MIB1: variants seen among roughly 807,000 people sequenced by gnomAD.
MIB1 encodes E3 ubiquitin-protein ligase MIB1.
MIB1 carries 278 observed loss-of-function variants against 124.5 expected under a neutral mutation model. The ratio of observed to expected loss-of-function variants is 2.23; its 90% CI spans 2.02 to 2.47. The LOEUF is 2.47. MIB1 is among the 30% of genes most tolerant of loss of function. MIB1 has a pLI of 0.00. For missense variants in MIB1, 957 were observed against 1,254.4 expected (o/e 0.76, Z 3.58); for synonymous variants, 446 against 429.4 (o/e 1.04, Z -0.48).
upstream of MIB1, among the ~76,000 whole-genome samples, chr18:21,740,753 C>G (rs921917098): frequency 2.0e-5 from 3 of 152,250 alleles, no homozygotes; most frequent in African/African-American, 7.2e-5. Context: ...GTTGGGCAAC[C>G]GTCCGCCCTT....
At chr18:21,754,680 A>G (rs1280905429) in intron 1 of MIB1, among the ~76,000 whole-genome samples, 1 of 152,214 alleles carries the variant, frequency 6.6e-6, no homozygotes, top group Non-Finnish European at 1.5e-5. Context: ...GGATTCTGAG[A>G]TCTACAGTAA....
At chr18:21,784,648 C>G (rs1224826359) in intron 6 of MIB1, among the ~76,000 whole-genome samples, 4 of 152,060 alleles carry the variant, frequency 2.6e-5, no homozygotes, top group Non-Finnish European at 5.9e-5. Flanking sequence ...CTAGGAAAGA[C>G]CAGGCTATAC....
At chr18:21,822,765 C>T (rs2041890362) in intron 12 of MIB1, among the ~76,000 whole-genome samples, 1 of 151,930 alleles carries the variant, frequency 6.6e-6, no homozygotes, top group South Asian at 2.1e-4. Context: ...TTTTAGTGTA[C>T]TCGGAATTAA....
chr18:21,795,823 T>A (rs2041572325), intron 7 of MIB1, among the ~76,000 whole-genome samples: 2 of 152,170 alleles, frequency 1.3e-5, no homozygotes, highest in African/African-American at 2.4e-5. Flanking sequence ...TTCAGAAATC[T>A]TATTGCATGT....
At chr18:21,749,248 A>T (rs2040946758) in intron 1 of MIB1, among the ~76,000 whole-genome samples, 1 of 152,204 alleles carries the variant, frequency 6.6e-6, no homozygotes, top group Admixed American at 6.5e-5. Flanking sequence ...GGTATGCCAT[A>T]TGTACTGTTC....
chr18:21,716,027 C>A (rs955754989), intron 1 of MIB1, among the ~76,000 whole-genome samples: 4 of 152,158 alleles, frequency 2.6e-5, no homozygotes, highest in Admixed American at 6.5e-5. Context: ...CTGGGAAATT[C>A]ATTGCAAAAA....
chr18:21,721,888 A>T (rs2040717347), intron 1 of MIB1, among the ~76,000 whole-genome samples: 1 of 152,204 alleles, frequency 6.6e-6, no homozygotes, highest in South Asian at 2.1e-4. Flanking sequence ...GGTCAAAACT[A>T]GTAAACTAAC....
chr18:21,810,486 G>A (rs1193894678), intron 10 of MIB1, among the ~76,000 whole-genome samples: 1 of 151,932 alleles, frequency 6.6e-6, no homozygotes, highest in African/African-American at 2.4e-5. Flanking sequence ...CTACTTTCAA[G>A]ACTTACCACA....
At chr18:21,804,075 A>G in intron 10 of MIB1, 61 bp downstream of exon 10, 2 of 1,163,206 alleles carry the variant, frequency 1.7e-6, no homozygotes, top group Non-Finnish European at 2.5e-6. Context: ...ATACTTCTAT[A>G]TCATGAGATG....
chr18:21,844,120 A>T lies in MIB1; in HGVS notation c.2078A>T (p.Asp693Val), dbSNP rs752589269. ...RLLVRAGAKL[D>V]IQDKDGDTPL... The stretch of plus-strand genomic sequence containing the variant: ...TTGGTCCGTGCAGGTGCCAAGCTTG[A>T]TATTCAGGATAAGGATGGGGATACT... Residue 693 changes from aspartate (D) to valine (V), a missense_variant, in exon 15 of 21, where the codon GAT (aspartate) becomes GTT (valine). Transcript: ENST00000261537. The T allele has an allele frequency of 1.9e-6, 3 of 1,613,914 alleles. No homozygotes were observed. Among genetic ancestry groups the T allele is most frequent in the Middle Eastern group, 1.7e-4 (1 of 6,016 alleles).
chr18:21,843,206 C>A lies in MIB1; in HGVS notation c.2038C>A (p.Gln680Lys). Residue 680 changes from glutamine to lysine, a missense_variant, in exon 14 of 21, where the codon CAG (glutamine) becomes AAG (lysine). Coordinates refer to ENST00000261537, the MANE Select transcript of MIB1 (RefSeq NM_020774.4). Reference protein sequence around the residue: ...LHLAVERQHTQIVRLLVRAGA... With the variant: ...LHLAVERQHTKIVRLLVRAGA... ...CCTTGCTGTTGAACGACAGCATACC[C>A]AGATTGTTAGGGTAAAGTATTGACA... 1.3e-6 allele frequency: 2 copies of A among 1,586,390 alleles called. No individual in the cohort carries two copies. The highest frequency in any genetic ancestry group is 1.7e-6 in the Non-Finnish European group (2 of 1,169,362).
chr18:21,856,956 G>A (rs1405871701), intron 18 of MIB1, among the ~76,000 whole-genome samples, 174 bp from the exon 19 acceptor site: 2 of 152,158 alleles, frequency 1.3e-5, no homozygotes, highest in Non-Finnish European at 2.9e-5. Flanking sequence ...GGCTACCGAT[G>A]GAGAATACTC....
chr18:21,757,510 G>A (rs1171150575), intron 1 of MIB1, among the ~76,000 whole-genome samples: 1 of 140,804 alleles, frequency 7.1e-6, no homozygotes, highest in Non-Finnish European at 1.5e-5. Context: ...TTTGGGACAG[G>A]GTCTTACTCT....
At chr18:21,767,091 T>C (rs752984697) in intron 2 of MIB1, among the ~76,000 whole-genome samples, 10 of 152,186 alleles carry the variant, frequency 6.6e-5, no homozygotes, top group Non-Finnish European at 1.0e-4. Flanking sequence ...GAGAACAGGT[T>C]AGTGTAGGTA....
Position 21,724,512 on chromosome 18 carries a change from C to T in MIB1, n.167+19389C>T, listed in dbSNP as rs1162966399. ...TTGAGGTCGGGAGTTTGAGACCAGG[C>T]TGGCCAATATGGTGAAACCCCATCT... is the stretch of plus-strand genomic sequence containing the variant. On this transcript the variant is annotated intron_variant and non_coding_transcript_variant, in intron 1 of 20. Coordinates refer to the MIB1 transcript ENST00000578646. Among the ~76,000 whole-genome samples, 3 of 149,710 alleles carry T rather than the reference C, an allele frequency of 2.0e-5. No homozygotes were observed. In the East Asian group the frequency reaches 6.0e-4, roughly 30 times the overall value.
chr18:21,794,108 C>G (rs2041545525), intron 7 of MIB1: 1 of 151,942 alleles, frequency 6.6e-6, no homozygotes, highest in South Asian at 2.1e-4. Context: ...GGGATCATGC[C>G]TGTGAATAGC....
chr18:21,805,273 A>C (rs947964666), intron 10 of MIB1, among the ~76,000 whole-genome samples: 2 of 152,130 alleles, frequency 1.3e-5, no homozygotes, highest in African/African-American at 4.8e-5. Context: ...TCAGCCTCCC[A>C]AAGTGCTGAG....
intron 1 of MIB1, among the ~76,000 whole-genome samples, chr18:21,755,612 G>C (rs1386792202): frequency 6.6e-6 from 1 of 152,188 alleles, no homozygotes; most frequent in African/African-American, 2.4e-5. Context: ...ACCGTGCCCG[G>C]CCAACAACTG....
intron 12 of MIB1, chr18:21,826,852 C>T (rs1216838743): frequency 1.3e-5 from 2 of 152,022 alleles, no homozygotes; most frequent in Non-Finnish European, 2.9e-5. Context: ...GTATATTCTG[C>T]GTCTGTTGGT....
Sources: gnomAD v4.1 joint callset for allele counts (sites outside exome capture counted in the v4.1 genomes callset) on GRCh38, gnomAD v4.1.1 for gene constraint, MANE v1.5 for transcripts, NCBI Gene and HGNC (gene_info 2026-07-23, HGNC 2026-07-21) for gene names.